The following RSPO3 variants were observed in gnomAD, a reference collection of about 807,000 sequenced individuals.
RSPO3 encodes the protein R-spondin 3.
A neutral mutation model predicts 36.5 loss-of-function variants in RSPO3; 17 were observed. The ratio of observed to expected loss-of-function variants is 0.47; its 90% confidence interval spans 0.32 to 0.70. The LOEUF is 0.70. Among genes scored for constraint, RSPO3 ranks in the 30% least tolerant of loss-of-function variants. The probability of loss-of-function intolerance (pLI) is 0.04; values close to 1 mark genes in which losing one functional copy is unlikely to be tolerated. For synonymous variants in RSPO3, 108 were observed against 107.0 expected (o/e 1.01, Z -0.06); for missense variants, 294 against 322.5 (o/e 0.91, Z 0.68).
chr6:127,180,911 T>C (rs1207504217), intron 4 of RSPO3, among the ~76,000 whole-genome samples: 1 of 151,892 alleles, frequency 6.6e-6, no homozygotes, highest in African/African-American at 2.4e-5. Context: ...TTCTATTTTA[T>C]AAATGAGGCA....
chr6:127,178,963 T>C (rs1192583358), intron 4 of RSPO3, among the ~76,000 whole-genome samples: 1 of 151,910 alleles, frequency 6.6e-6, no homozygotes, highest in Non-Finnish European at 1.5e-5. Flanking sequence ...CAAAGTTCTG[T>C]AACCACAGTG....
rs575289124 is a variant in RSPO3 at position 127,199,050 on chromosome 6, A to T, written c.*3043A>T. ...TAAATACAGCTAAAAACAAGAATAG[A>T]TATTCATTCTCACAAAGGGAGACAG... On this transcript the variant is annotated 3_prime_UTR_variant, in exon 5 of 5. Transcript: ENST00000356698. Among the ~76,000 whole-genome samples, 26 of 152,342 alleles carry T rather than the reference A, an allele frequency of 1.7e-4. No individual in the cohort carries two copies. Among genetic ancestry groups the T allele is most frequent in the African/African-American group, 5.8e-4 (24 of 41,580 alleles).
At chr6:127,133,457 T>A (rs1235110219) in intron 1 of RSPO3, among the ~76,000 whole-genome samples, 1 of 152,132 alleles carries the variant, frequency 6.6e-6, no homozygotes, top group East Asian at 1.9e-4. Context: ...TTTAGACAAA[T>A]CATTTAGTCT....
chr6:127,148,619 G>C (rs1774431872), intron 1 of RSPO3, 29 bp from the exon 2 acceptor site: 1 of 1,565,328 alleles, frequency 6.4e-7, no homozygotes, highest in African/African-American at 1.3e-5. Context: ...TTTAACCTTT[G>C]TAATGTCTTT....
intron 1 of RSPO3, among the ~76,000 whole-genome samples, chr6:127,141,854 C>CAT (rs200727184): frequency 1.3e-5 from 2 of 151,866 alleles, no homozygotes; most frequent in African/African-American, 2.4e-5. Flanking sequence ...TGCATGCGTG[C>CAT]ATATATATAT....
At chr6:127,180,277 G>A (rs146768527) in intron 4 of RSPO3, among the ~76,000 whole-genome samples, 11 of 151,688 alleles carry the variant, frequency 7.3e-5, no homozygotes, top group African/African-American at 2.4e-4. Flanking sequence ...TAGTGTGACT[G>A]AGCAAAGGCA....
intron 1 of RSPO3, among the ~76,000 whole-genome samples, chr6:127,128,265 C>G (rs1773981336): frequency 6.6e-6 from 1 of 152,052 alleles, no homozygotes; most frequent in Admixed American, 6.6e-5. Context: ...ACAGTAACCT[C>G]CACTCTGAAT....
At chr6:127,135,146 G>A (rs1243074463) in intron 1 of RSPO3, among the ~76,000 whole-genome samples, 6 of 152,202 alleles carry the variant, frequency 3.9e-5, no homozygotes, top group African/African-American at 4.8e-5. Context: ...TATTGGCCAG[G>A]TGCGGTGGCT....
intron 4 of RSPO3, among the ~76,000 whole-genome samples, chr6:127,184,128 A>T (rs1474314513): frequency 6.6e-6 from 1 of 151,984 alleles, no homozygotes; most frequent in Non-Finnish European, 1.5e-5. Flanking sequence ...CATGGGGATT[A>T]TAGGAACTAT....
chr6:127,187,023 A>C (rs1331406483), intron 4 of RSPO3, among the ~76,000 whole-genome samples: 1 of 152,144 alleles, frequency 6.6e-6, no homozygotes, highest in African/African-American at 2.4e-5. Context: ...ATATGAAATA[A>C]ATATTTAATA....
intron 1 of RSPO3, among the ~76,000 whole-genome samples, chr6:127,120,913 G>A (rs529679053): frequency 2.0e-5 from 3 of 152,256 alleles, no homozygotes; most frequent in Non-Finnish European, 4.4e-5. Flanking sequence ...CGGAAGGGGA[G>A]GCCTGGGGTT....
chr6:127,126,701 G>C (rs991836088), intron 1 of RSPO3, among the ~76,000 whole-genome samples: 12 of 152,012 alleles, frequency 7.9e-5, no homozygotes, highest in African/African-American at 2.9e-4. Flanking sequence ...TCACTGTAGC[G>C]TTCTACTTTT....
chr6:127,153,232 G>C (rs1219460158), intron 3 of RSPO3, among the ~76,000 whole-genome samples: 2 of 151,930 alleles, frequency 1.3e-5, no homozygotes, highest in African/African-American at 2.4e-5. Flanking sequence ...TGAATATTCT[G>C]TTTTTCCTTA....
intron 1 of RSPO3, among the ~76,000 whole-genome samples, chr6:127,128,949 T>A (rs1773996789): frequency 6.6e-6 from 1 of 152,112 alleles, no homozygotes; most frequent in South Asian, 2.1e-4. Flanking sequence ...AAGATGGGTA[T>A]CAGCCATACT....
In RSPO3 at chr6:127,135,926, C is replaced by CA. The variant is rs5879836; in HGVS notation, c.98-12705dup. 2.8e-3 allele frequency among the ~76,000 whole-genome samples: 319 copies of CA among 114,968 alleles called. 2 individuals carry two copies. Among genetic ancestry groups the CA allele is most frequent in the East Asian group, 6.3e-3 (25 of 3,992 alleles). 75.4% of individuals were successfully genotyped at this position (114,968 alleles called of 152,430 possible). On this transcript the variant is annotated intron_variant, in intron 1 of 4. Coordinates refer to ENST00000356698, the MANE Select transcript of RSPO3 (RefSeq NM_032784.5). ...TAAGCAACAAACTGAGACCCTGCCTCAAAAAAAAAAAAAAAAAGGCACATG... is the reference window on the plus strand; with the variant it reads ...TAAGCAACAAACTGAGACCCTGCCTCAAAAAAAAAAAAAAAAAAGGCACATG...
chr6:127,139,144 T>C (rs556859338), intron 1 of RSPO3, among the ~76,000 whole-genome samples: 1 of 152,348 alleles, frequency 6.6e-6, no homozygotes, highest in Admixed American at 6.5e-5. Flanking sequence ...CTTCTTCAAT[T>C]CTGTTAGCAA....
At chr6:127,164,225 T>A (rs1774769015) in intron 4 of RSPO3, among the ~76,000 whole-genome samples, 1 of 152,050 alleles carries the variant, frequency 6.6e-6, no homozygotes, top group Non-Finnish European at 1.5e-5. Flanking sequence ...GTAAAATGCC[T>A]GCAGTTGAAG....
At chr6:127,137,416 A>G (rs1301963793) in intron 1 of RSPO3, among the ~76,000 whole-genome samples, 1 of 152,168 alleles carries the variant, frequency 6.6e-6, no homozygotes, top group East Asian at 1.9e-4. Flanking sequence ...AAATATCATT[A>G]TAAGATAATT....
rs985883808 is a variant in RSPO3, at chr6:127,197,632, A to G, written c.*1625A>G. ...ATCACTGCTTTCTGAAGAATTTGCA[A>G]TGACTCTGGCTTCTGGCTGCTTATC... On this transcript the variant is annotated 3_prime_UTR_variant, in exon 5 of 5. Coordinates refer to ENST00000356698, the MANE Select transcript of RSPO3 (RefSeq NM_032784.5). The G allele has an allele frequency of 2.9e-6, 4 of 1,396,878 alleles. No homozygotes were observed. The highest frequency in any genetic ancestry group is 2.9e-6 in the Non-Finnish European group (3 of 1,050,236). The allele number at this position is 1,396,878 out of a possible 1,614,324, so 86.5% of individuals were successfully genotyped here. A position where few individuals can be genotyped will look rare whatever the true frequency, so the allele number is the denominator to read the frequency against.
Sources: allele counts gnomAD v4.1 joint callset (sites outside exome capture counted in the v4.1 genomes callset), GRCh38; gene constraint gnomAD v4.1.1; transcripts MANE v1.5; gene names NCBI Gene and HGNC (gene_info 2026-07-23, HGNC 2026-07-21).